Variants in LARP4 observed in about 807,000 individuals in gnomAD.
LARP4 encodes the protein la-related protein 4.
LARP4 carries 29 observed loss-of-function variants against 92.9 expected under a neutral mutation model. The ratio of observed to expected loss-of-function variants is 0.31; its 90% CI spans 0.23 to 0.43. The LOEUF is 0.43. Ranked by LOEUF, LARP4 falls within the 20% of genes least tolerant of loss-of-function variation. LARP4 has a pLI of 1.00. For synonymous variants in LARP4, 279 were observed against 284.1 expected, an observed-to-expected ratio of 0.98 and a Z score of 0.18; for missense variants, 732 against 860.0, an observed-to-expected ratio of 0.85 and a Z score of 1.86.
At chr12:50,439,980 T>C (rs540906224) in intron 6 of LARP4, among the ~76,000 whole-genome samples, 1 of 152,252 alleles carries the variant, frequency 6.6e-6, no homozygotes, top group Admixed American at 6.5e-5. Flanking sequence ...TGCGTGAAAA[T>C]TTGTATTGCC....
chr12:50,430,021 A>T (rs1949412867), intron 3 of LARP4, among the ~76,000 whole-genome samples: 1 of 152,308 alleles, frequency 6.6e-6, no homozygotes, highest in Non-Finnish European at 1.5e-5. Context: ...CTGATGAAAG[A>T]ATATCTAGAT....
intron 4 of LARP4, among the ~76,000 whole-genome samples, chr12:50,433,406 G>A (rs984122201): frequency 6.6e-6 from 1 of 151,184 alleles, no homozygotes; most frequent in African/African-American, 2.4e-5. Context: ...GACATTTGTA[G>A]CTCAGCAAAA....
chr12:50,404,575 G>T (rs1015354502), intron 1 of LARP4, among the ~76,000 whole-genome samples: 1 of 151,764 alleles, frequency 6.6e-6, no homozygotes, highest in Non-Finnish European at 1.5e-5. Context: ...TAGATTATTG[G>T]TTTGTTTTAT....
intron 1 of LARP4, among the ~76,000 whole-genome samples, chr12:50,404,814 C>G (rs571704436): frequency 3.3e-5 from 5 of 151,756 alleles, no homozygotes; most frequent in African/African-American, 9.7e-5. Flanking sequence ...CTCAGCCTCC[C>G]GAGTAGCTGG....
chr12:50,404,758 C>T (rs960139049), intron 1 of LARP4, among the ~76,000 whole-genome samples: 10 of 145,542 alleles, frequency 6.9e-5, no homozygotes, highest in South Asian at 4.5e-4. Context: ...GGCGCCATCT[C>T]GGCTCACTGC....
At chr12:50,463,629 C>T (rs1955761191) in intron 12 of LARP4, among the ~76,000 whole-genome samples, 1 of 152,028 alleles carries the variant, frequency 6.6e-6, no homozygotes, top group African/African-American at 2.4e-5. Context: ...CCATGTCCCA[C>T]ACCTAGGGTA....
chr12:50,404,023 T>G (rs546464219), intron 1 of LARP4, among the ~76,000 whole-genome samples: 1 of 152,244 alleles, frequency 6.6e-6, no homozygotes, highest in South Asian at 2.1e-4. Context: ...GGTCAGGAGT[T>G]TGAGATCAGC....
At chr12:50,470,220 CAA>C (rs71083576) in intron 13 of LARP4, among the ~76,000 whole-genome samples, 94 of 147,476 alleles carry the variant, frequency 6.4e-4, no homozygotes, top group Non-Finnish European at 6.3e-4. Context: ...CAACCTGTCT[CAA>C]AAAAAAAAAA....
At chr12:50,436,143 ATATCCCGCTGGGG>A (rs538704628) in intron 5 of LARP4, among the ~76,000 whole-genome samples, 1,712 of 136,930 alleles carry the variant, frequency 0.013, 41 homozygotes, top group African/African-American at 0.042. Context: ...GTGTGTGTAT[ATATCCCGCTGGGG>A]TGTGTGTGTG....
At chr12:50,421,817 G>A (rs1367769772) in intron 1 of LARP4, among the ~76,000 whole-genome samples, 2 of 152,138 alleles carry the variant, frequency 1.3e-5, no homozygotes, top group Non-Finnish European at 2.9e-5. Flanking sequence ...TAATCATTGT[G>A]TGGTTAATCC....
chr12:50,420,302 C>G (rs1947512579), intron 1 of LARP4, among the ~76,000 whole-genome samples: 1 of 152,120 alleles, frequency 6.6e-6, no homozygotes, highest in Non-Finnish European at 1.5e-5. Context: ...AGAAATTGTT[C>G]AGAATGCAAC....
At chr12:50,454,461 A>G (rs1953855758) in intron 10 of LARP4, 44 bp downstream of exon 10, 1 of 1,393,622 alleles carries the variant, frequency 7.2e-7, no homozygotes, top group Non-Finnish European at 1.0e-6. Context: ...AACAATTCCT[A>G]ATGGATCTTA....
chr12:50,475,583 T>C lies in LARP4; in HGVS notation c.1894T>C (p.Ser632Pro), dbSNP rs1254410635. Residue 632 changes from serine to proline, a missense_variant, in exon 16 of 16, where the codon TCA becomes CCA. Ser to Pro is a moderately conservative substitution (Grantham distance 74). Transcript: ENST00000398473. ...CCAGAAGCCCCCTAAAGAGCCATCT[T>C]CAGTTCTTGTGCAGCCACTACGGGA... is the stretch of plus-strand genomic sequence containing the variant. ...VCQKPPKEPS[S>P]VLVQPLRELR... The C allele has an allele frequency of 1.9e-6, 3 of 1,614,108 alleles. No individual in the cohort carries two copies. Among genetic ancestry groups the C allele is most frequent in the Non-Finnish European group, 2.5e-6 (3 of 1,180,010 alleles).
At chr12:50,447,389 A>G (rs1952384317) in intron 8 of LARP4, among the ~76,000 whole-genome samples, 1 of 152,230 alleles carries the variant, frequency 6.6e-6, no homozygotes, top group African/African-American at 2.4e-5. Context: ...TTCCTGTTGC[A>G]GCAACTTGCA....
rs1374908177 is a variant in LARP4 at position 50,475,744 on chromosome 12, C to T, written c.2055C>T (p.Pro685=). ...DYSGFRGNII[P]RGAAGKIREQ... Reference sequence around the variant, plus strand: ...CTGGCTTCCGAGGCAATATAATCCCCAGGGGAGCAGCAGGAAAAATCAGGG... The same window carrying T: ...CTGGCTTCCGAGGCAATATAATCCCTAGGGGAGCAGCAGGAAAAATCAGGG... The change falls in exon 16 of 16, where the codon CCC becomes CCT. Residue 685 remains proline (P), a synonymous_variant. Coordinates refer to ENST00000398473, the MANE Select transcript of LARP4 (RefSeq NM_052879.5). 3 of 1,614,104 alleles carry T rather than the reference C, an allele frequency of 1.9e-6. No homozygotes were observed. Among genetic ancestry groups the T allele is most frequent in the Non-Finnish European group, 2.5e-6 (3 of 1,180,022 alleles).
intron 8 of LARP4, among the ~76,000 whole-genome samples, chr12:50,442,029 G>A (rs886182810): frequency 1.3e-5 from 2 of 152,180 alleles, no homozygotes; most frequent in African/African-American, 4.8e-5. Context: ...CAGCCTGGGG[G>A]ACAGAGCAAG....
intron 1 of LARP4, among the ~76,000 whole-genome samples, chr12:50,420,206 AAG>A (rs764948545): frequency 1.6e-4 from 25 of 152,176 alleles, no homozygotes; most frequent in Non-Finnish European, 2.9e-4. Flanking sequence ...AAAATATAAA[AAG>A]GGAGCTTAGA....
rs185048735 is a variant in LARP4 at position 50,400,983 on chromosome 12, G to A, written c.-28G>A. On this transcript the variant is annotated 5_prime_UTR_variant, in exon 1 of 16. Transcript: ENST00000398473. ...TGAGCCAGTTGGAGTTGCGGCGGCGGGAACGATTGGGCTGAGCAGAGGACG... is the reference window on the plus strand; with the variant it reads ...TGAGCCAGTTGGAGTTGCGGCGGCGAGAACGATTGGGCTGAGCAGAGGACG... The A allele has an allele frequency of 6.2e-7, 1 of 1,614,132 alleles. No individual in the cohort carries two copies.
intron 5 of LARP4, 109 bp downstream of exon 5, chr12:50,435,733 A>T: frequency 6.0e-5 from 43 of 719,450 alleles, no homozygotes; most frequent in South Asian, 1.3e-4. Context: ...CCACACCCTT[A>T]TTTTGTTGTT....
Sources: allele counts gnomAD v4.1 joint callset (sites outside exome capture counted in the v4.1 genomes callset), GRCh38; gene constraint gnomAD v4.1.1; transcripts MANE v1.5; gene names NCBI Gene and HGNC (gene_info 2026-07-23, HGNC 2026-07-21).